Variants in LPP observed in about 807,000 individuals in gnomAD.
LPP encodes the protein LIM domain containing preferred translocation partner in lipoma.
In LPP, 38 loss-of-function variants were observed where a neutral mutation model predicts 60.4. The observed-to-expected ratio is 0.63, with a 90% CI of 0.49 to 0.83. The LOEUF is 0.83. Among genes scored for constraint, LPP ranks in the 40% least tolerant of loss-of-function variants. The pLI is 0.00. For synonymous variants in LPP, 328 were observed against 290.8 expected (o/e 1.13, Z -1.30); for missense variants, 902 against 783.6 (o/e 1.15, Z -1.80).
At chr3:188,394,061 T>C (rs1423467836) in intron 3 of LPP, among the ~76,000 whole-genome samples, 3 of 152,222 alleles carry the variant, frequency 2.0e-5, no homozygotes, top group Non-Finnish European at 4.4e-5. Context: ...TTTATTTTGC[T>C]AAGGAAAAGT....
At chr3:188,561,124 AACTT>A (rs1383929134) in intron 6 of LPP, among the ~76,000 whole-genome samples, 1 of 152,106 alleles carries the variant, frequency 6.6e-6, no homozygotes, top group Admixed American at 6.6e-5. Flanking sequence ...AATGAAATTG[AACTT>A]TCAAACATTT....
chr3:188,263,311 G>A (rs759801782), intron 2 of LPP, among the ~76,000 whole-genome samples: 5 of 152,140 alleles, frequency 3.3e-5, no homozygotes, highest in Non-Finnish European at 7.3e-5. Flanking sequence ...TCACTTAAGC[G>A]CTAATCCATT....
rs540636018 is a variant in LPP, at chr3:188,714,183, T to C, written c.1240+5790T>C. On this transcript the variant is annotated intron_variant, in intron 8 of 11. Transcript: ENST00000617246. ...TCTTCTGATCTCATGTCTATCATAATACATTACCATTACAGAAAGGTATAT... is the reference window on the plus strand; with the variant it reads ...TCTTCTGATCTCATGTCTATCATAACACATTACCATTACAGAAAGGTATAT... 1.0e-3 allele frequency among the ~76,000 whole-genome samples: 153 copies of C among 152,322 alleles called. 1 individual carries two copies. The highest frequency in any genetic ancestry group is 3.7e-3 in the African/African-American group (152 of 41,572).
chr3:188,384,758 C>A (rs1185742675), intron 3 of LPP, among the ~76,000 whole-genome samples: 1 of 91,644 alleles, frequency 1.1e-5, no homozygotes, highest in Non-Finnish European at 2.2e-5. Context: ...TCACTGCACT[C>A]CAGCCTGGGC....
chr3:188,866,338 G>A lies in LPP; in HGVS notation c.1549G>A (p.Asp517Asn). The change falls in exon 10 of 12, where the codon GAT (aspartate) becomes AAT (asparagine). Residue 517 changes from aspartate to asparagine, a missense_variant. By Grantham distance (23) the Asp-to-Asn change is conservative (BLOSUM62 1). Transcript: ENST00000617246. ...RSLDGIPFTV[D>N]AGGLIHCIED... is the part of the protein sequence containing the mutation. ...CCTGGATGGGATCCCATTCACTGTG[G>A]ATGCTGGCGGGCTCATTCACTGCAT... 3 of 1,572,786 alleles carry A rather than the reference G, an allele frequency of 1.9e-6. No homozygotes were observed. The highest frequency in any genetic ancestry group is 2.6e-6 in the Non-Finnish European group (3 of 1,157,886).
chr3:188,859,775 CTG>C (rs1764740023), intron 9 of LPP, among the ~76,000 whole-genome samples: 1 of 152,142 alleles, frequency 6.6e-6, no homozygotes, highest in South Asian at 2.1e-4. Context: ...ATTTTCAGTT[CTG>C]TGTTTCATAG....
chr3:188,560,353 C>T (rs934740614), intron 6 of LPP, among the ~76,000 whole-genome samples: 4 of 152,084 alleles, frequency 2.6e-5, no homozygotes, highest in African/African-American at 9.7e-5. Flanking sequence ...CTATGCAATT[C>T]AGTGAGGTCT....
intron 2 of LPP, among the ~76,000 whole-genome samples, chr3:188,240,742 G>A (rs1359992484): frequency 6.6e-6 from 1 of 152,092 alleles, no homozygotes; most frequent in Non-Finnish European, 1.5e-5. Flanking sequence ...CATGGTTTTG[G>A]TGGGAGGAGC....
intron 1 of LPP, among the ~76,000 whole-genome samples, chr3:188,189,121 T>C (rs1477408942): frequency 2.6e-5 from 4 of 152,206 alleles, no homozygotes; most frequent in Non-Finnish European, 5.9e-5. Flanking sequence ...GGTCCCACTC[T>C]GTCACCCAGG....
At chr3:188,633,895 C>G (rs1848263667) in intron 7 of LPP, among the ~76,000 whole-genome samples, 1 of 152,128 alleles carries the variant, frequency 6.6e-6, no homozygotes, top group East Asian at 1.9e-4. Context: ...AGGCTTTTAA[C>G]CTTCTGATCT....
chr3:188,845,068 G>C (rs568368743), intron 9 of LPP, among the ~76,000 whole-genome samples: 1 of 152,286 alleles, frequency 6.6e-6, no homozygotes, highest in East Asian at 1.9e-4. Context: ...AGTGTGAAAG[G>C]TCTGAGGCCT....
intron 2 of LPP, among the ~76,000 whole-genome samples, chr3:188,273,752 C>T (rs1738675734): frequency 6.6e-6 from 1 of 151,846 alleles, no homozygotes; most frequent in Non-Finnish European, 1.5e-5. Flanking sequence ...CACGCCACCA[C>T]ACCCAGTTAT....
chr3:188,341,773 C>A, intron 3 of LPP, 54 bp downstream of exon 3: 2 of 636,930 alleles, frequency 3.1e-6, no homozygotes, highest in Non-Finnish European at 3.9e-6. Context: ...GCATCTGAGC[C>A]AGTAATGTTG....
intron 6 of LPP, among the ~76,000 whole-genome samples, chr3:188,533,157 G>A (rs1311225998): frequency 6.6e-6 from 1 of 152,206 alleles, no homozygotes; most frequent in African/African-American, 2.4e-5. Flanking sequence ...TGGGTGCAGT[G>A]TAATCAGGGT....
intron 4 of LPP, among the ~76,000 whole-genome samples, chr3:188,423,980 T>A (rs1788599868): frequency 6.6e-6 from 1 of 152,224 alleles, no homozygotes; most frequent in African/African-American, 2.4e-5. Flanking sequence ...TTTGTCAATT[T>A]TAGCTTTTGT....
chr3:188,375,528 GTATTTCT>G (rs1368785006), intron 3 of LPP, among the ~76,000 whole-genome samples: 1 of 152,152 alleles, frequency 6.6e-6, no homozygotes, highest in Non-Finnish European at 1.5e-5. Flanking sequence ...ATGGTAGTTT[GTATTTCT>G]GTGGGATTGG....
At chr3:188,424,682 G>C (rs868060715) in intron 4 of LPP, among the ~76,000 whole-genome samples, 1 of 152,040 alleles carries the variant, frequency 6.6e-6, no homozygotes, top group Non-Finnish European at 1.5e-5. Context: ...CTTGTAAGTC[G>C]TATTCCTAGG....
At chr3:188,319,903 TCTC>T (rs1297496974) in intron 2 of LPP, among the ~76,000 whole-genome samples, 3 of 152,234 alleles carry the variant, frequency 2.0e-5, no homozygotes, top group Admixed American at 1.3e-4. Flanking sequence ...GTCTTCTTTG[TCTC>T]CTCCTGACTG....
At chr3:188,467,444 G>A (rs1055452181) in intron 4 of LPP, among the ~76,000 whole-genome samples, 2 of 152,074 alleles carry the variant, frequency 1.3e-5, no homozygotes, top group Non-Finnish European at 2.9e-5. Flanking sequence ...AGCACTATGT[G>A]CAGACTTCCC....
Sources: gnomAD v4.1 joint callset for allele counts (sites outside exome capture counted in the v4.1 genomes callset) on GRCh38, gnomAD v4.1.1 for gene constraint, MANE v1.5 for transcripts, NCBI Gene and HGNC (gene_info 2026-07-23, HGNC 2026-07-21) for gene names.